SRPK2: variants seen among roughly 807,000 people sequenced by gnomAD.
SRPK2 encodes SRSF protein kinase 2.
In SRPK2, 21 loss-of-function variants were observed where a neutral mutation model predicts 90.8. That is an observed-to-expected ratio of 0.23 (90% CI 0.16 to 0.33). The LOEUF (loss-of-function observed/expected upper bound fraction) is 0.33. Among genes scored for constraint, SRPK2 ranks in the 10% least tolerant of loss-of-function variants. The pLI is 1.00. For missense variants in SRPK2, 620 were observed against 869.0 expected, an observed-to-expected ratio of 0.71 and a Z score of 3.60; for synonymous variants, 288 against 311.1, an observed-to-expected ratio of 0.93 and a Z score of 0.78.
At chr7:105,154,967 C>T (rs1806282470) in intron 7 of SRPK2, among the ~76,000 whole-genome samples, 1 of 151,786 alleles carries the variant, frequency 6.6e-6, no homozygotes. Context: ...GCCACCGCAC[C>T]TGGCCCACCC....
chr7:105,295,682 A>C (rs1283520028), intron 2 of SRPK2, among the ~76,000 whole-genome samples: 1 of 152,206 alleles, frequency 6.6e-6, no homozygotes, highest in Non-Finnish European at 1.5e-5. Flanking sequence ...AAATTTCTAA[A>C]AACAGTGGTC....
intron 2 of SRPK2, among the ~76,000 whole-genome samples, chr7:105,297,738 T>A (rs1460090654): frequency 1.3e-4 from 1 of 7,600 alleles, no homozygotes; most frequent in South Asian, 6.6e-3. Flanking sequence ...AAGCTGTAAA[T>A]TTTTTTTTTT....
chr7:105,143,758 T>C, intron 9 of SRPK2: 1 of 177,408 alleles, frequency 5.6e-6, no homozygotes, highest in Non-Finnish European at 1.2e-5. Context: ...ACTGTGTGTT[T>C]GGGTCTCACA....
At chr7:105,133,185 T>C (rs1802276228) in intron 11 of SRPK2, 81 bp from the exon 12 acceptor site, 4 of 1,275,866 alleles carry the variant, frequency 3.1e-6, no homozygotes, top group Middle Eastern at 1.8e-4. Context: ...CCAGGGTCAG[T>C]CTCCTTTCCT....
chr7:105,297,602 A>G, intron 2 of SRPK2: 1 of 519,724 alleles, frequency 1.9e-6, no homozygotes, highest in South Asian at 8.2e-5. Context: ...ATTACCTAAA[A>G]GGTCTTCCGA....
chr7:105,201,221 A>G (rs1795507534), intron 3 of SRPK2, among the ~76,000 whole-genome samples: 1 of 152,198 alleles, frequency 6.6e-6, no homozygotes, highest in Admixed American at 6.5e-5. Context: ...GTTGTGGAAT[A>G]TACCACAAAA....
chr7:105,322,434 T>C (rs1203947997), intron 2 of SRPK2, among the ~76,000 whole-genome samples: 3 of 152,000 alleles, frequency 2.0e-5, no homozygotes, highest in African/African-American at 7.3e-5. Context: ...TGCTGCAATA[T>C]GGATGAACCT....
chr7:105,306,320 G>A (rs1811136581), intron 2 of SRPK2: 5 of 321,926 alleles, frequency 1.6e-5, no homozygotes, highest in African/African-American at 8.7e-5. Context: ...AGAACCTGAC[G>A]GATCATCTCT....
chr7:105,365,417 C>T (rs933529509), intron 2 of SRPK2, among the ~76,000 whole-genome samples: 2 of 141,254 alleles, frequency 1.4e-5, no homozygotes, highest in Non-Finnish European at 3.0e-5. Context: ...ACCCAGGAGG[C>T]GGAGATTGCA....
At chr7:105,273,202 G>C (rs1189946680) in intron 2 of SRPK2, among the ~76,000 whole-genome samples, 1 of 150,572 alleles carries the variant, frequency 6.6e-6, no homozygotes, top group East Asian at 2.0e-4. Flanking sequence ...GTGACAGAGA[G>C]AGACTCCGTC....
chr7:105,191,534 C>A (rs887357331), intron 3 of SRPK2, among the ~76,000 whole-genome samples: 5 of 152,098 alleles, frequency 3.3e-5, no homozygotes, highest in African/African-American at 9.7e-5. Flanking sequence ...TTCCAGCCTA[C>A]GCAATAGAAT....
At chr7:105,233,332 A>G (rs151085605) in intron 2 of SRPK2, among the ~76,000 whole-genome samples, 2 of 152,294 alleles carry the variant, frequency 1.3e-5, no homozygotes, top group East Asian at 3.9e-4. Context: ...AATATGCAAG[A>G]CTTCATGGTA....
chr7:105,371,877 A>G (rs551788889), intron 2 of SRPK2, among the ~76,000 whole-genome samples: 69 of 152,232 alleles, frequency 4.5e-4, no homozygotes, highest in African/African-American at 1.6e-3. Flanking sequence ...GCTCACACTT[A>G]TAATTCCAGC....
rs1380040082 is a variant in SRPK2, at chr7:105,142,469, T to C, written c.1082A>G (p.Glu361Gly). The change falls in exon 11 of 16, where the codon GAG becomes GGG. Residue 361 changes from glutamate to glycine, a missense_variant. Physicochemically the swap from Glu to Gly is moderately conservative, Grantham distance 98. This residue lies in a region of SRPK2 where 243 missense variants were observed against 245.7 expected (regional missense o/e 0.99). Coordinates refer to ENST00000393651, the MANE Select transcript of SRPK2 (RefSeq NM_182692.3). ...GTTTTCTTTCTCAGCATCTTCTTTC[T>C]CTTCCTGGTCCTCAGCTTCACCTTA... ...KDNGEAEDQE[E>G]KEDAEKENIE... The C allele has an allele frequency of 1.9e-6, 3 of 1,611,176 alleles. No homozygotes were observed. Among genetic ancestry groups the C allele is most frequent in the African/African-American group, 2.7e-5 (2 of 74,716 alleles).
chr7:105,336,359 G>A (rs1006306647), intron 2 of SRPK2, among the ~76,000 whole-genome samples: 3 of 152,164 alleles, frequency 2.0e-5, no homozygotes, highest in Non-Finnish European at 2.9e-5. Context: ...TCTTTAGTGT[G>A]TTGGGACTGT....
intron 2 of SRPK2, chr7:105,301,410 C>A: frequency 1.5e-6 from 1 of 656,348 alleles, no homozygotes; most frequent in Non-Finnish European, 2.7e-6. Flanking sequence ...TGTGCCGCCC[C>A]CACAACCAAG....
chr7:105,398,543 C>G (rs2132929433), intron 1 of SRPK2, among the ~76,000 whole-genome samples: 1 of 152,250 alleles, frequency 6.6e-6, no homozygotes, highest in South Asian at 2.1e-4. Context: ...GCCACCACGC[C>G]TAGCTAATTT....
chr7:105,180,188 A>T (rs1318252756), intron 3 of SRPK2, among the ~76,000 whole-genome samples: 2 of 152,218 alleles, frequency 1.3e-5, no homozygotes, highest in African/African-American at 4.8e-5. Flanking sequence ...CTAAAAGGTG[A>T]CAGTAACCAA....
chr7:105,397,846 C>T (rs1156307209), intron 1 of SRPK2, among the ~76,000 whole-genome samples: 3 of 152,054 alleles, frequency 2.0e-5, no homozygotes, highest in Non-Finnish European at 4.4e-5. Flanking sequence ...CGGGGTTTCA[C>T]CATGTTGGCC....
Sources: gnomAD v4.1 joint callset for allele counts (sites outside exome capture counted in the v4.1 genomes callset) on GRCh38, gnomAD v4.1.1 for gene constraint, gnomAD v4.1.1 regional missense constraint, MANE v1.5 for transcripts, NCBI Gene and HGNC (gene_info 2026-07-23, HGNC 2026-07-21) for gene names.